Variants in ARB2A observed in about 807,000 individuals in gnomAD.
The protein encoded by ARB2A is ARB2 cotranscriptional regulator A.
the ARB2A span, among the ~76,000 whole-genome samples, chr5:93,915,144 C>G: frequency 1.3e-5 from 2 of 151,958 alleles, no homozygotes; most frequent in African/African-American, 4.8e-5. Context: ...GTTCTGCTAT[C>G]ATCCATTACA....
the ARB2A span, among the ~76,000 whole-genome samples, chr5:94,073,595 T>A: frequency 6.6e-6 from 1 of 152,200 alleles, no homozygotes; most frequent in Non-Finnish European, 1.5e-5. Context: ...ACTTGGGAGA[T>A]CAAATTTTCA....
chr5:93,785,457 A>C, the ARB2A span, among the ~76,000 whole-genome samples: 2 of 152,276 alleles, frequency 1.3e-5, no homozygotes, highest in East Asian at 3.9e-4. Flanking sequence ...TGAATTGTCT[A>C]TCAAAAATAT....
chr5:93,997,019 C>T, the ARB2A span, among the ~76,000 whole-genome samples: 1 of 152,028 alleles, frequency 6.6e-6, no homozygotes, highest in South Asian at 2.1e-4. Flanking sequence ...TGTCTGCTCT[C>T]AGGAGACAGG....
At chr5:93,730,579 G>A in the ARB2A span, among the ~76,000 whole-genome samples, 1 of 152,044 alleles carries the variant, frequency 6.6e-6, no homozygotes, top group Non-Finnish European at 1.5e-5. Context: ...AACTGTTTAA[G>A]AAAACAGTCA....
At chr5:93,973,452 T>C in the ARB2A span, among the ~76,000 whole-genome samples, 1 of 152,170 alleles carries the variant, frequency 6.6e-6, no homozygotes, top group African/African-American at 2.4e-5. Flanking sequence ...CTTACTGGCA[T>C]TCCTGAGTGA....
At chr5:93,974,254 T>C in the ARB2A span, among the ~76,000 whole-genome samples, 1 of 152,092 alleles carries the variant, frequency 6.6e-6, no homozygotes, top group Non-Finnish European at 1.5e-5. Flanking sequence ...AAGATCTTTC[T>C]CAAAGTAAAA....
the ARB2A span, among the ~76,000 whole-genome samples, chr5:93,873,564 T>C: frequency 6.6e-6 from 1 of 152,222 alleles, no homozygotes; most frequent in African/African-American, 2.4e-5. Context: ...AACAGAATTA[T>C]GGCCCTTTAA....
At chr5:93,722,500 C>T in the ARB2A span, among the ~76,000 whole-genome samples, 1 of 152,082 alleles carries the variant, frequency 6.6e-6, no homozygotes, top group Non-Finnish European at 1.5e-5. Flanking sequence ...GACTTTTTCT[C>T]AATAGTGCTA....
At chr5:93,829,256 TCTGTGTTCCAGTTGTAGGGAGCAA>T in the ARB2A span, among the ~76,000 whole-genome samples, 1 of 152,160 alleles carries the variant, frequency 6.6e-6, no homozygotes, top group Non-Finnish European at 1.5e-5. Context: ...CAGAACAGTC[TCTGTGTTCCAGTTGTAGGGAGCAA>T]CTCGAAGTAA....
At chr5:93,871,772 C>T in the ARB2A span, among the ~76,000 whole-genome samples, 1 of 151,948 alleles carries the variant, frequency 6.6e-6, no homozygotes, top group East Asian at 1.9e-4. Context: ...AAAATGTTCT[C>T]ATTTTTAATT....
chr5:93,690,151 T>A, the ARB2A span, among the ~76,000 whole-genome samples: 1 of 152,188 alleles, frequency 6.6e-6, no homozygotes, highest in African/African-American at 2.4e-5. Flanking sequence ...ACGAGCTAGC[T>A]GCAGGAGTTT....
chr5:93,738,445 G>A, the ARB2A span: 2 of 152,216 alleles, frequency 1.3e-5, no homozygotes, highest in African/African-American at 4.8e-5. Flanking sequence ...CCACTCCTAT[G>A]TATACATCCA....
chr5:93,628,111 T>C, the ARB2A span, among the ~76,000 whole-genome samples: 3 of 138,394 alleles, frequency 2.2e-5, no homozygotes, highest in African/African-American at 5.4e-5. Context: ...CCCAGGCTGG[T>C]GTGATCTTGG....
chr5:93,879,713 T>C, the ARB2A span, among the ~76,000 whole-genome samples: 2 of 151,162 alleles, frequency 1.3e-5, no homozygotes, highest in Admixed American at 6.6e-5. Context: ...AAAGACAAAA[T>C]AGGAAGAAAT....
At chr5:93,910,582 C>T in the ARB2A span, 1 of 151,290 alleles carries the variant, frequency 6.6e-6, no homozygotes, top group African/African-American at 2.4e-5. Flanking sequence ...ACAATACATA[C>T]TATACTACTT....
At chr5:93,836,680 T>C in the ARB2A span, among the ~76,000 whole-genome samples, 1 of 152,228 alleles carries the variant, frequency 6.6e-6, no homozygotes, top group East Asian at 1.9e-4. Context: ...TATGCATTTG[T>C]ATTTAATGAT....
the ARB2A span, among the ~76,000 whole-genome samples, chr5:93,775,350 C>G: frequency 6.6e-6 from 1 of 152,204 alleles, no homozygotes; most frequent in Non-Finnish European, 1.5e-5. Flanking sequence ...TTTACCCATT[C>G]TCCAGCACCC....
At chr5:94,082,492 G>A in the ARB2A span, among the ~76,000 whole-genome samples, 5 of 152,110 alleles carry the variant, frequency 3.3e-5, no homozygotes, top group Non-Finnish European at 7.4e-5. Flanking sequence ...CCATATGAAT[G>A]ACACCAACAA....
the ARB2A span, among the ~76,000 whole-genome samples, chr5:93,791,131 C>A: frequency 6.6e-6 from 1 of 152,166 alleles, no homozygotes; most frequent in Non-Finnish European, 1.5e-5. Context: ...CATCTCCACC[C>A]CTACTTCCCT....
Sources: gnomAD v4.1 joint callset for allele counts (sites outside exome capture counted in the v4.1 genomes callset) on GRCh38, gnomAD v4.1.1 for gene constraint, MANE v1.5 for transcripts, NCBI Gene and HGNC (gene_info 2026-07-23, HGNC 2026-07-21) for gene names.